The following TRIM9 variants were observed in gnomAD, a reference collection of about 807,000 sequenced individuals.
TRIM9 encodes tripartite motif containing 9, also known as E3 ubiquitin-protein ligase TRIM9.
In TRIM9, 26 loss-of-function variants were observed where a neutral mutation model predicts 78.3. That is an observed-to-expected ratio of 0.33 (90% confidence interval 0.24 to 0.46). The LOEUF is 0.46. Ranked by LOEUF, TRIM9 falls within the 20% of genes least tolerant of loss-of-function variation. The pLI is 1.00. For synonymous variants in TRIM9, 398 were observed against 416.5 expected, an observed-to-expected ratio of 0.96 and a Z score of 0.54; for missense variants, 787 against 1,036.4, an observed-to-expected ratio of 0.76 and a Z score of 3.30.
At chr14:51,042,491 T>C (rs2059648742) in intron 1 of TRIM9, among the ~76,000 whole-genome samples, 1 of 152,240 alleles carries the variant, frequency 6.6e-6, no homozygotes, top group African/African-American at 2.4e-5. Flanking sequence ...TTATTTCTAG[T>C]TGTAAAGTGA....
At chr14:51,053,557 A>C (rs199949161) in intron 1 of TRIM9, among the ~76,000 whole-genome samples, 9 of 62,620 alleles carry the variant, frequency 1.4e-4, no homozygotes, top group Non-Finnish European at 1.3e-4. Context: ...TTATTTATTT[A>C]TTTTTTTTTA....
intron 1 of TRIM9, among the ~76,000 whole-genome samples, chr14:51,040,845 C>G (rs181057831): frequency 1.3e-5 from 2 of 152,324 alleles, no homozygotes; most frequent in African/African-American, 4.8e-5. Context: ...CCGCTTACTA[C>G]CACTGCTTCA....
At chr14:51,074,694 A>C (rs1461051439) in intron 1 of TRIM9, among the ~76,000 whole-genome samples, 1 of 152,204 alleles carries the variant, frequency 6.6e-6, no homozygotes, top group Non-Finnish European at 1.5e-5. Flanking sequence ...GTAATTACAG[A>C]TCCACCAGTG....
intron 1 of TRIM9, among the ~76,000 whole-genome samples, chr14:51,089,809 T>A (rs1235178248): frequency 6.6e-6 from 1 of 152,170 alleles, no homozygotes; most frequent in Non-Finnish European, 1.5e-5. Flanking sequence ...TCCAGAAAAG[T>A]ACCCCAAGTT....
At chr14:51,059,910 A>G (rs915082894) in intron 1 of TRIM9, among the ~76,000 whole-genome samples, 2 of 152,224 alleles carry the variant, frequency 1.3e-5, no homozygotes, top group Non-Finnish European at 2.9e-5. Flanking sequence ...TCTTTAGAAT[A>G]TTGGCTACTA....
intron 11 of TRIM9, among the ~76,000 whole-genome samples, chr14:50,980,610 G>A (rs143882794): frequency 5.3e-5 from 8 of 152,336 alleles, no homozygotes; most frequent in African/African-American, 1.9e-4. Context: ...TGATGGTTAT[G>A]TCATTATTCA....
intron 1 of TRIM9, among the ~76,000 whole-genome samples, chr14:51,031,147 C>CA (rs1210514761): frequency 0.51 from 51,182 of 100,678 alleles, 13,109 homozygotes; most frequent in East Asian, 0.62. Flanking sequence ...AAACTCTTTC[C>CA]AAAAAAAAAA....
intron 1 of TRIM9, among the ~76,000 whole-genome samples, chr14:51,079,171 G>A (rs903103205): frequency 1.3e-5 from 2 of 152,122 alleles, no homozygotes; most frequent in African/African-American, 4.8e-5. Flanking sequence ...TAATGTGAAT[G>A]GAAAATTGAT....
chr14:51,005,417 C>T lies in TRIM9; in HGVS notation c.1306+3663G>A, dbSNP rs7140807. ...TTGGTGAACTGTTAGGTCATTGTTT[C>T]GTCCTGGTTCAGAATGAACAAACTG... On this transcript the variant is annotated intron_variant, in intron 5 of 12. Transcript: ENST00000684578. Among the ~76,000 whole-genome samples, 1,161 of 152,292 alleles carry T rather than the reference C, an allele frequency of 7.6e-3. 20 individuals are homozygous for T. Among genetic ancestry groups the T allele is most frequent in the African/African-American group, 0.026 (1,100 of 41,554 alleles).
In TRIM9 at chr14:50,998,164, T is replaced by C. The variant is rs2054467054; in HGVS notation, c.1489A>G (p.Met497Val). ...AAGTGAAGACCATCCACAGTGCACA[T>C]TGTCTCCTTCCCCACATACACCTCC... ...FREVYVGKET[M>V]CTVDGLHFNS... The change falls in exon 7 of 13, where the codon ATG becomes GTG. Residue 497 changes from methionine (M) to valine (V), a missense_variant. Transcript: ENST00000684578. 7 of 1,614,130 alleles carry C rather than the reference T, an allele frequency of 4.3e-6. No homozygotes were observed. The highest frequency in any genetic ancestry group is 5.9e-6 in the Non-Finnish European group (7 of 1,180,008).
At position 51,079,268 on chromosome 14, in the gene TRIM9, A is replaced by G. The variant is rs536649923; in HGVS notation, c.822+14850T>C. Reference sequence around the variant, plus strand: ...ACTATTTGGCTCCACTCAGAAGAGAATAATTGGCCAATCTTTGGCTAGCCT... The same window carrying G: ...ACTATTTGGCTCCACTCAGAAGAGAGTAATTGGCCAATCTTTGGCTAGCCT... On this transcript the variant is annotated intron_variant, in intron 1 of 12. Coordinates refer to ENST00000684578, the MANE Select transcript of TRIM9 (RefSeq NM_001387360.1). Among the ~76,000 whole-genome samples, 3 of 152,358 alleles carry G rather than the reference A, an allele frequency of 2.0e-5. No homozygotes were observed. The South Asian group carries it at 6.2e-4, about 32-fold the overall frequency.
At chr14:50,977,433 TA>T in intron 12 of TRIM9, 80 bp from the exon 13 acceptor site, 1 of 1,138,592 alleles carries the variant, frequency 8.8e-7, no homozygotes, top group South Asian at 2.9e-5. Flanking sequence ...GGTGTGTCCC[TA>T]ACTCAAAAAG....
intron 7 of TRIM9, among the ~76,000 whole-genome samples, chr14:50,991,330 A>G (rs1450404086): frequency 1.3e-5 from 2 of 152,236 alleles, no homozygotes; most frequent in African/African-American, 4.8e-5. Flanking sequence ...GATATCATGC[A>G]TGTGTCAAAA....
intron 1 of TRIM9, among the ~76,000 whole-genome samples, chr14:51,071,387 GA>G (rs56726763): frequency 0.22 from 24,977 of 116,044 alleles, 1,893 homozygotes; most frequent in Non-Finnish European, 0.24. Context: ...AAAAAAAAAA[GA>G]AAAAAAAAAA....
intron 3 of TRIM9, among the ~76,000 whole-genome samples, chr14:51,017,047 G>C (rs1346694685): frequency 6.6e-6 from 1 of 152,222 alleles, no homozygotes; most frequent in Non-Finnish European, 1.5e-5. Flanking sequence ...TAAAGGGGAA[G>C]TGCTTTGGCT....
chr14:51,022,790 G>A, intron 3 of TRIM9, 45 bp downstream of exon 3: 1 of 1,610,860 alleles, frequency 6.2e-7, no homozygotes, highest in Non-Finnish European at 8.5e-7. Context: ...CCCCTCGGGA[G>A]CCTGGCTTGT....
At chr14:51,047,777 A>G (rs550991048) in intron 1 of TRIM9, among the ~76,000 whole-genome samples, 3 of 152,342 alleles carry the variant, frequency 2.0e-5, no homozygotes, top group Non-Finnish European at 4.4e-5. Context: ...ACAAGAACAA[A>G]GCTTTCAATT....
intron 3 of TRIM9, among the ~76,000 whole-genome samples, chr14:51,022,233 C>A (rs1286157512): frequency 6.6e-6 from 1 of 152,170 alleles, no homozygotes; most frequent in African/African-American, 2.4e-5. Flanking sequence ...GAGGCCCCTG[C>A]CTTCATGAAT....
intron 1 of TRIM9, among the ~76,000 whole-genome samples, chr14:51,082,125 T>C (rs562764605): frequency 6.4e-4 from 98 of 152,348 alleles, no homozygotes; most frequent in Admixed American, 1.6e-3. Flanking sequence ...GCTCCCATCC[T>C]GAGGGGACCT....
Sources: gnomAD v4.1 joint callset for allele counts (sites outside exome capture counted in the v4.1 genomes callset) on GRCh38, gnomAD v4.1.1 for gene constraint, MANE v1.5 for transcripts, NCBI Gene and HGNC (gene_info 2026-07-23, HGNC 2026-07-21) for gene names.